Variants in ICE1 observed in about 807,000 individuals in gnomAD.
ICE1 encodes the protein little elongation complex subunit 1.
ICE1 carries 64 observed loss-of-function variants against 192.7 expected under a neutral mutation model. The ratio of observed to expected loss-of-function variants is 0.33; its 90% confidence interval spans 0.27 to 0.41. ICE1 has a LOEUF of 0.41. ICE1 is among the 10% of genes least tolerant of loss of function. The pLI, the probability that ICE1 is intolerant of heterozygous loss-of-function variation, is 1.00. For missense variants in ICE1, 2,708 were observed against 2,696.0 expected (o/e 1.00, Z -0.10); for synonymous variants, 1,010 against 984.5 (o/e 1.03, Z -0.49).
chr5:5,456,662 A>G (rs1172321725), intron 11 of ICE1, among the ~76,000 whole-genome samples: 5 of 152,088 alleles, frequency 3.3e-5, no homozygotes, highest in East Asian at 1.9e-4. Context: ...CAGCCCGATA[A>G]TCAACCGCCT....
chr5:5,426,721 G>A (rs1446226216), intron 1 of ICE1, among the ~76,000 whole-genome samples: 2 of 152,216 alleles, frequency 1.3e-5, no homozygotes, highest in Non-Finnish European at 2.9e-5. Flanking sequence ...GTTCCAGAGG[G>A]AACCAAGATC....
chr5:5,462,358 G>T lies in ICE1; in HGVS notation c.3024G>T (p.Val1008=). Residue 1008 remains valine (V), a synonymous_variant, in exon 13 of 19, where the codon GTG becomes GTT. Coordinates refer to ENST00000296564, the MANE Select transcript of ICE1 (RefSeq NM_015325.3). The part of the protein sequence containing the change: ...HGSEMLPATE[V]TVSGGFSVEE... Reference sequence around the variant, plus strand: ...GTGAGATGCTTCCAGCCACAGAAGTGACTGTGTCAGGAGGGTTTTCTGTTG... The same window carrying T: ...GTGAGATGCTTCCAGCCACAGAAGTTACTGTGTCAGGAGGGTTTTCTGTTG... 1.2e-6 allele frequency: 2 copies of T among 1,614,040 alleles called. No individual in the cohort carries two copies. The highest frequency in any genetic ancestry group is 2.2e-5 in the South Asian group (2 of 91,074).
At chr5:5,452,187 A>G (rs1325659610) in intron 10 of ICE1, among the ~76,000 whole-genome samples, 2 of 65,766 alleles carry the variant, frequency 3.0e-5, no homozygotes, top group Non-Finnish European at 6.0e-5. Context: ...TTTTTTTTGT[A>G]CTGGAGGCCT....
At chr5:5,428,904 T>G (rs1737611995) in intron 1 of ICE1, among the ~76,000 whole-genome samples, 1 of 152,164 alleles carries the variant, frequency 6.6e-6, no homozygotes, top group African/African-American at 2.4e-5. Flanking sequence ...CTGAAGACAT[T>G]TTTGATTGTC....
intron 9 of ICE1, 38 bp downstream of exon 9, chr5:5,447,798 G>T (rs537486298): frequency 2.5e-6 from 4 of 1,570,218 alleles, no homozygotes; most frequent in Middle Eastern, 1.7e-4. Context: ...ATTTATTTTT[G>T]ATATGTAGTA....
At position 5,476,052 on chromosome 5, in the gene ICE1, A is replaced by G. The variant is rs755918942; in HGVS notation, c.6493A>G (p.Ile2165Val). 5 of 1,605,916 alleles carry G rather than the reference A, an allele frequency of 3.1e-6. No homozygotes were observed. The highest frequency in any genetic ancestry group is 1.7e-6 in the Non-Finnish European group (2 of 1,174,390). ...AAACATTGCGTATACTCCTGATATT[A>G]TTATAGCCTCAATACTGAGGCTGAT... ...HANIAYTPDI[I>V]IASILRLIGR... Residue 2165 changes from isoleucine (I) to valine (V), a missense_variant, in exon 17 of 19, where the codon ATT becomes GTT. Physicochemically the swap from Ile to Val is conservative, Grantham distance 29. Transcript: ENST00000296564.
chr5:5,478,541 G>C (rs1368044415), intron 17 of ICE1, among the ~76,000 whole-genome samples: 1 of 152,198 alleles, frequency 6.6e-6, no homozygotes. Flanking sequence ...GTAATTTATA[G>C]ATTCAATGCT....
intron 18 of ICE1, among the ~76,000 whole-genome samples, 179 bp from the exon 19 acceptor site, chr5:5,488,970 C>T (rs553575562): frequency 1.3e-5 from 2 of 152,052 alleles, no homozygotes; most frequent in Admixed American, 1.3e-4. Flanking sequence ...GGCTTTTCTT[C>T]TTTTTTATTT....
chr5:5,423,144 C>T (rs896739928), intron 1 of ICE1, 145 bp downstream of exon 1: 24 of 434,682 alleles, frequency 5.5e-5, no homozygotes, highest in South Asian at 8.7e-5. Context: ...GCTCGTCTCT[C>T]TGCTCTCTTT....
intron 1 of ICE1, among the ~76,000 whole-genome samples, chr5:5,427,028 C>T (rs1427460661): frequency 1.3e-5 from 2 of 152,218 alleles, no homozygotes; most frequent in Non-Finnish European, 2.9e-5. Context: ...ACTTGCCTCT[C>T]TGTCTTGAAT....
At position 5,460,485 on chromosome 5, in the gene ICE1, A is replaced by C; in HGVS notation, c.1151A>C (p.Gln384Pro). The change falls in exon 13 of 19, where the codon CAG becomes CCG. Residue 384 changes from glutamine to proline, a missense_variant. Physicochemically the swap from Gln to Pro is moderately conservative, Grantham distance 76. Around this residue, in one of 2 missense-constraint regions of ICE1, gnomAD observed 2,366 missense variants for 2,276.6 expected, o/e 1.04. Transcript: ENST00000296564. ...YTDSSDNDSV[Q>P]LRNSAECVSE... ...GATTCCAGCGATAATGACTCAGTCC[A>C]GCTTAGAAATTCTGCTGAGTGTGTT... 1 of 1,611,240 alleles carries C rather than the reference A, an allele frequency of 6.2e-7. No individual in the cohort carries two copies.
At chr5:5,448,708 G>T (rs1738322174) in intron 10 of ICE1, among the ~76,000 whole-genome samples, 1 of 152,038 alleles carries the variant, frequency 6.6e-6, no homozygotes, top group Non-Finnish European at 1.5e-5. Context: ...TTGTGTGCAG[G>T]TATATGGTGT....
At position 5,461,500 on chromosome 5, in the gene ICE1, G is replaced by A. The variant is rs1445413579; in HGVS notation, c.2166G>A (p.Gly722=). 1 of 1,613,688 alleles carries A rather than the reference G, an allele frequency of 6.2e-7. No homozygotes were observed. Among genetic ancestry groups the A allele is most frequent in the South Asian group, 1.1e-5 (1 of 91,006 alleles). ...ASNFNDQKSS[G]IEYTKVVKGL... ...ATTTTAATGATCAGAAGAGCAGTGGGATAGAATATACAAAAGTAGTAAAAG... is the reference window on the plus strand; with the variant it reads ...ATTTTAATGATCAGAAGAGCAGTGGAATAGAATATACAAAAGTAGTAAAAG... The change falls in exon 13 of 19, where the codon GGG becomes GGA. Residue 722 remains glycine, a synonymous_variant. Coordinates refer to ENST00000296564, the MANE Select transcript of ICE1 (RefSeq NM_015325.3).
chr5:5,430,028 A>T (rs991277448), intron 1 of ICE1, among the ~76,000 whole-genome samples: 7 of 152,242 alleles, frequency 4.6e-5, no homozygotes, highest in Admixed American at 2.0e-4. Context: ...ACTTTCCAAT[A>T]GACTATATAA....
chr5:5,470,208 T>C (rs535560816), intron 15 of ICE1, among the ~76,000 whole-genome samples: 8 of 152,266 alleles, frequency 5.3e-5, no homozygotes, highest in Non-Finnish European at 1.0e-4. Flanking sequence ...GAGTTACCCG[T>C]TCCCAGAGGG....
chr5:5,462,979 A>C lies in ICE1; in HGVS notation c.3645A>C (p.Ile1215=). 1 of 1,613,352 alleles carries C rather than the reference A, an allele frequency of 6.2e-7. No homozygotes were observed. The highest frequency in any genetic ancestry group is 8.5e-7 in the Non-Finnish European group (1 of 1,179,606). Reference sequence around the variant, plus strand: ...ACAAAGAATTAAAGGCAAGTGAAATAGGAGAAAAATACAGAAAGCAACCCT... The same window carrying C: ...ACAAAGAATTAAAGGCAAGTGAAATCGGAGAAAAATACAGAAAGCAACCCT... The part of the protein sequence containing the change: ...EMNKELKASE[I]GEKYRKQPCE... Residue 1215 remains isoleucine, a synonymous_variant, in exon 13 of 19, where the codon ATA becomes ATC. Transcript: ENST00000296564.
chr5:5,456,095 C>T (rs1021035389), intron 11 of ICE1, among the ~76,000 whole-genome samples: 2 of 152,148 alleles, frequency 1.3e-5, no homozygotes, highest in Admixed American at 6.5e-5. Flanking sequence ...GTGGCAAGAA[C>T]GTCACAGTGG....
At chr5:5,423,162 A>G (rs1486608442) in intron 1 of ICE1, among the ~76,000 whole-genome samples, 163 bp downstream of exon 1, 3 of 151,666 alleles carry the variant, frequency 2.0e-5, no homozygotes. Context: ...TTTTTCCTAC[A>G]TGAGTTTTGG....
Position 5,462,103 on chromosome 5 carries a change from C to T in ICE1, c.2769C>T (p.Ser923=). ...QNITEVAAVK[S]ISPEVSASRR... ...TCACGGAGGTGGCTGCTGTGAAAAG[C>T]ATTTCACCAGAAGTTTCTGCCTCTA... Residue 923 remains serine, a synonymous_variant, in exon 13 of 19, where the codon AGC becomes AGT. Transcript: ENST00000296564. 1 of 1,613,820 alleles carries T rather than the reference C, an allele frequency of 6.2e-7. No homozygotes were observed. The highest frequency in any genetic ancestry group is 8.5e-7 in the Non-Finnish European group (1 of 1,179,776).
Sources: allele counts gnomAD v4.1 joint callset (sites outside exome capture counted in the v4.1 genomes callset), GRCh38; gene constraint gnomAD v4.1.1; regional missense constraint gnomAD v4.1.1; transcripts MANE v1.5; gene names NCBI Gene and HGNC (gene_info 2026-07-23, HGNC 2026-07-21).